Variants in UCK2 observed in about 807,000 individuals in gnomAD.
The protein encoded by UCK2 is cytidine monophosphokinase 2.
In UCK2, 6 loss-of-function variants were observed where a neutral mutation model predicts 30.8. The observed-to-expected ratio is 0.19, with a 90% CI of 0.11 to 0.38. The LOEUF is 0.38. Ranked by LOEUF, UCK2 falls within the 10% of genes least tolerant of loss-of-function variation. UCK2 has a pLI of 1.00. For synonymous variants in UCK2, 125 were observed against 133.6 expected (o/e 0.94, Z 0.45); for missense variants, 210 against 339.8 (o/e 0.62, Z 3.00).
At chr1:165,845,510 C>T (rs534053540) in intron 1 of UCK2, among the ~76,000 whole-genome samples, 40 of 152,236 alleles carry the variant, frequency 2.6e-4, no homozygotes, top group African/African-American at 9.1e-4. Context: ...TGAGGTGTGA[C>T]ATTATTTTAG....
rs540780020 is a variant in UCK2, at chr1:165,836,563, A to G, written c.99+8631A>G. Among the ~76,000 whole-genome samples, 276 of 152,366 alleles carry G rather than the reference A, an allele frequency of 1.8e-3. 2 individuals are homozygous for G. The South Asian group carries it at 0.022, about 12-fold the overall frequency. Reference sequence around the variant, plus strand: ...CTCCTCTAATTTTGTAGAAAGCAGGAAAACTGGAAACCTCCAGACTTGTAA... The same window carrying G: ...CTCCTCTAATTTTGTAGAAAGCAGGGAAACTGGAAACCTCCAGACTTGTAA... On this transcript the variant is annotated intron_variant, in intron 1 of 6. Transcript: ENST00000367879.
chr1:165,887,863 T>C (rs540082150), intron 1 of UCK2, among the ~76,000 whole-genome samples: 2 of 152,314 alleles, frequency 1.3e-5, no homozygotes, highest in South Asian at 4.1e-4. Context: ...AAAGTTTTAC[T>C]GTTCTGTGAT....
intron 1 of UCK2, among the ~76,000 whole-genome samples, chr1:165,880,557 T>C (rs1655458905): frequency 1.1e-5 from 1 of 89,516 alleles, no homozygotes; most frequent in South Asian, 3.5e-4. Flanking sequence ...CCATTCAGTT[T>C]TTTTTGGGGG....
intron 4 of UCK2, among the ~76,000 whole-genome samples, chr1:165,898,633 G>A (rs1647352803): frequency 6.6e-6 from 1 of 152,208 alleles, no homozygotes; most frequent in Non-Finnish European, 1.5e-5. Context: ...CAGCACAGGA[G>A]ATTAGAACCA....
chr1:165,829,741 A>G lies in UCK2; in HGVS notation c.99+1809A>G, dbSNP rs575549770. Among the ~76,000 whole-genome samples the G allele has an allele frequency of 8.5e-5, 13 of 152,222 alleles. No homozygotes were observed. In the South Asian group the frequency reaches 2.7e-3, roughly 31 times the overall value. On this transcript the variant is annotated intron_variant, in intron 1 of 6. Coordinates refer to ENST00000367879, the MANE Select transcript of UCK2 (RefSeq NM_012474.5). ...GTGAGGGATGGGATAGTGGTGAGCC[A>G]ATGTGGGAGTAGCTAATTCTCTGCT...
chr1:165,884,493 C>T (rs538005045), intron 1 of UCK2, among the ~76,000 whole-genome samples: 5 of 152,344 alleles, frequency 3.3e-5, no homozygotes, highest in East Asian at 1.9e-4. Flanking sequence ...CCTAACCCGA[C>T]GCCCTCCCAA....
At chr1:165,874,525 T>G (rs1387642669) in intron 1 of UCK2, among the ~76,000 whole-genome samples, 1 of 152,130 alleles carries the variant, frequency 6.6e-6, no homozygotes, top group African/African-American at 2.4e-5. Flanking sequence ...CTCCATCCCC[T>G]GCGTTAAAAG....
At chr1:165,828,729 C>A (rs2814472) in intron 1 of UCK2, among the ~76,000 whole-genome samples, 126,532 of 152,130 alleles carry the variant, frequency 0.83, 53,281 homozygotes, top group East Asian at 0.99. Context: ...TTGTTTTATC[C>A]GCAAGGCAAG....
chr1:165,851,011 C>A (rs547524747), intron 1 of UCK2, among the ~76,000 whole-genome samples: 1 of 150,314 alleles, frequency 6.7e-6, no homozygotes, highest in Non-Finnish European at 1.5e-5. Context: ...CAATCCTCCC[C>A]CTTTGCCCTC....
chr1:165,907,612 C>A (rs1221385338), intron 6 of UCK2, 72 bp from the exon 7 acceptor site: 2 of 1,548,464 alleles, frequency 1.3e-6, no homozygotes, highest in Non-Finnish European at 1.7e-6. Context: ...GCCCTTCCCC[C>A]AGACAGACTC....
chr1:165,855,453 G>C (rs1377006482), intron 1 of UCK2, among the ~76,000 whole-genome samples: 1 of 151,284 alleles, frequency 6.6e-6, no homozygotes, highest in African/African-American at 2.4e-5. Flanking sequence ...ATCCATCGTG[G>C]TAGGAAGTAA....
rs536560892 is a variant in UCK2, at chr1:165,910,307, A to G, written c.*2484A>G. The G allele has an allele frequency of 6.6e-6, 1 of 152,322 alleles. No homozygotes were observed. The highest frequency in any genetic ancestry group is 2.1e-4 in the South Asian group (1 of 4,824). The allele number at this position is 152,322 out of a possible 1,614,324, so 9.4% of individuals were successfully genotyped here. A position where few individuals can be genotyped will look rare whatever the true frequency, so the allele number is the denominator to read the frequency against. ...AGCCTCTGGGTCTCTGATTCCATGGAGAGTCAGGAGTAGAATTAGTGGACC... is the reference window on the plus strand; with the variant it reads ...AGCCTCTGGGTCTCTGATTCCATGGGGAGTCAGGAGTAGAATTAGTGGACC... On this transcript the variant is annotated 3_prime_UTR_variant, in exon 7 of 7. Coordinates refer to ENST00000367879, the MANE Select transcript of UCK2 (RefSeq NM_012474.5).
intron 4 of UCK2, among the ~76,000 whole-genome samples, chr1:165,901,356 C>G (rs1027967189): frequency 6.6e-6 from 1 of 152,202 alleles, no homozygotes; most frequent in Non-Finnish European, 1.5e-5. Flanking sequence ...GATTTCCTGA[C>G]AGTTTTCTCA....
At chr1:165,893,490 C>A (rs1655819168) in intron 3 of UCK2, among the ~76,000 whole-genome samples, 1 of 152,206 alleles carries the variant, frequency 6.6e-6, no homozygotes, top group Non-Finnish European at 1.5e-5. Context: ...CTGATTCCAT[C>A]CCACCCATGG....
intron 1 of UCK2, among the ~76,000 whole-genome samples, chr1:165,852,238 A>G (rs1654615081): frequency 6.6e-6 from 1 of 152,262 alleles, no homozygotes; most frequent in Non-Finnish European, 1.5e-5. Flanking sequence ...ATTAAACTAA[A>G]GAACTTCTGC....
chr1:165,888,632 C>G (rs1430456759), intron 1 of UCK2, among the ~76,000 whole-genome samples: 4 of 127,072 alleles, frequency 3.1e-5, no homozygotes, highest in Admixed American at 2.5e-4. Flanking sequence ...TGACCAGTTT[C>G]TTTCTTCTTC....
chr1:165,863,808 G>C (rs1654978906), intron 1 of UCK2, among the ~76,000 whole-genome samples: 1 of 152,148 alleles, frequency 6.6e-6, no homozygotes, highest in Non-Finnish European at 1.5e-5. Context: ...TTCTGATGGA[G>C]AGTTTACAGA....
intron 1 of UCK2, among the ~76,000 whole-genome samples, chr1:165,862,568 C>A (rs1402419426): frequency 6.6e-6 from 1 of 152,198 alleles, no homozygotes; most frequent in Non-Finnish European, 1.5e-5. Flanking sequence ...CCTTAAGGAA[C>A]AGTGAGTGAA....
intron 1 of UCK2, among the ~76,000 whole-genome samples, chr1:165,841,476 G>A (rs1463367835): frequency 1.3e-5 from 2 of 152,112 alleles, no homozygotes; most frequent in African/African-American, 2.4e-5. Flanking sequence ...GTGAGCCACC[G>A]CGCCTGGCCT....
Sources: allele counts gnomAD v4.1 joint callset (sites outside exome capture counted in the v4.1 genomes callset), GRCh38; gene constraint gnomAD v4.1.1; transcripts MANE v1.5; gene names NCBI Gene and HGNC (gene_info 2026-07-23, HGNC 2026-07-21).